Variants in CLDN20 observed in about 807,000 individuals in gnomAD.
CLDN20 encodes claudin-20.
For missense variants in CLDN20, 258 were observed against 267.9 expected, an observed-to-expected ratio of 0.96 and a Z score of 0.26; for synonymous variants, 104 against 103.6, an observed-to-expected ratio of 1.00 and a Z score of -0.03.
intron 1 of CLDN20, among the ~76,000 whole-genome samples, chr6:155,265,168 TGAGGCAGCTTC>T (rs1034966871): frequency 6.0e-4 from 92 of 152,314 alleles, no homozygotes; most frequent in African/African-American, 2.1e-3. Context: ...AGGAGCTGCC[TGAGGCAGCTTC>T]GAGGCTGCCC....
At chr6:155,264,423 G>A (rs1474097511) in intron 1 of CLDN20, 135 bp downstream of exon 1, 3 of 152,162 alleles carry the variant, frequency 2.0e-5, no homozygotes, top group Non-Finnish European at 4.4e-5. Flanking sequence ...CTCTACCTGT[G>A]ATCCATGTCC....
intron 1 of CLDN20, among the ~76,000 whole-genome samples, chr6:155,271,122 T>C (rs1437017478): frequency 6.6e-6 from 1 of 152,254 alleles, no homozygotes; most frequent in African/African-American, 2.4e-5. Context: ...TGTGTTTGTT[T>C]ATTTACTACT....
In CLDN20 at chr6:155,275,766, C is replaced by G; in HGVS notation, c.47C>G (p.Ser16Cys). The G allele has an allele frequency of 6.2e-7, 1 of 1,614,084 alleles. No individual in the cohort carries two copies. The highest frequency in any genetic ancestry group is 8.5e-7 in the Non-Finnish European group (1 of 1,179,992). Residue 16 changes from serine (S) to cysteine (C), a missense_variant, in exon 2 of 2, where the codon TCT becomes TGT. By Grantham distance (112) the Ser-to-Cys change is moderately radical. Transcript: ENST00000367165. The stretch of plus-strand genomic sequence containing the variant: ...CTCCTTGCTTTCATCCTGGCCTTAT[C>G]TGGGGTCTCTGGAGTGCTCACAGCC... ...LQLLAFILAL[S>C]GVSGVLTATL...
chr6:155,266,312 T>TC (rs745633693), intron 1 of CLDN20, among the ~76,000 whole-genome samples: 5 of 152,200 alleles, frequency 3.3e-5, no homozygotes, highest in Non-Finnish European at 7.3e-5. Flanking sequence ...GGCCTGAGCC[T>TC]CTTGGGGCTT....
chr6:155,264,852 C>T (rs1007940341), intron 1 of CLDN20, among the ~76,000 whole-genome samples: 11 of 152,124 alleles, frequency 7.2e-5, no homozygotes, highest in African/African-American at 2.7e-4. Flanking sequence ...ATGTAAATTA[C>T]ACCTATTAGT....
At chr6:155,267,156 A>G (rs1440823509) in intron 1 of CLDN20, among the ~76,000 whole-genome samples, 2 of 151,888 alleles carry the variant, frequency 1.3e-5, no homozygotes, top group African/African-American at 4.8e-5. Flanking sequence ...TGTATTTTTA[A>G]TAGAGACTGG....
intron 1 of CLDN20, among the ~76,000 whole-genome samples, chr6:155,267,646 T>C (rs1784720297): frequency 1.3e-5 from 2 of 152,152 alleles, no homozygotes; most frequent in Non-Finnish European, 2.9e-5. Context: ...CAGCAGGCCA[T>C]TTCAGCAGCT....
rs951355804 is a variant in CLDN20, at chr6:155,275,800, G to A, written c.81G>A (p.Leu27=). Residue 27 remains leucine (L), a synonymous_variant, in exon 2 of 2, where the codon CTG becomes CTA. Coordinates refer to ENST00000367165, the MANE Select transcript of CLDN20 (RefSeq NM_001001346.3). ...GVSGVLTATL[L]PNWKVNVDVD... is the part of the protein sequence containing the mutation. ...CTGGAGTGCTCACAGCCACTCTGCT[G>A]CCCAACTGGAAGGTGAATGTGGATG... 1 of 1,614,000 alleles carries A rather than the reference G, an allele frequency of 6.2e-7. No homozygotes were observed.
intron 1 of CLDN20, among the ~76,000 whole-genome samples, chr6:155,265,787 T>A (rs1394938561): frequency 6.8e-6 from 1 of 146,552 alleles, no homozygotes; most frequent in African/African-American, 2.5e-5. Context: ...AAATATTAAA[T>A]ATATATATAA....
Position 155,270,344 on chromosome 6 carries a change from C to T in CLDN20, c.-104-5272C>T, listed in dbSNP as rs540779559. Among the ~76,000 whole-genome samples, 5 of 152,122 alleles carry T rather than the reference C, an allele frequency of 3.3e-5. No homozygotes were observed. The South Asian group carries it at 6.2e-4, about 19-fold the overall frequency. On this transcript the variant is annotated intron_variant, in intron 1 of 1. Transcript: ENST00000367165. Reference sequence around the variant, plus strand: ...TAAGCTGAGGGGTCATAAGACTTACCTAGGAGAGTCTCTGGACTTAAAAGA... The same window carrying T: ...TAAGCTGAGGGGTCATAAGACTTACTTAGGAGAGTCTCTGGACTTAAAAGA...
Position 155,276,474 on chromosome 6 carries a change from A to G in CLDN20, c.*95A>G. Reference sequence around the variant, plus strand: ...AGAATTATGCTTAACTTTCCCTACAAAGAAAGTAGAATGTAAAATACTTTA... The same window carrying G: ...AGAATTATGCTTAACTTTCCCTACAGAGAAAGTAGAATGTAAAATACTTTA... On this transcript the variant is annotated 3_prime_UTR_variant, in exon 2 of 2. Coordinates refer to ENST00000367165, the MANE Select transcript of CLDN20 (RefSeq NM_001001346.3). 2.7e-6 allele frequency: 3 copies of G among 1,106,104 alleles called. No individual in the cohort carries two copies. The highest frequency in any genetic ancestry group is 3.9e-6 in the Non-Finnish European group (3 of 777,868). The allele number at this position is 1,106,104 out of a possible 1,614,324, so 68.5% of individuals were successfully genotyped here. A position where few individuals can be genotyped will look rare whatever the true frequency, so the allele number is the denominator to read the frequency against.
rs1442827154 is a variant in CLDN20, at chr6:155,276,137, A to G, written c.418A>G (p.Thr140Ala). Residue 140 changes from threonine (T) to alanine (A), a missense_variant, in exon 2 of 2, where the codon ACA (threonine) becomes GCA (alanine). Physicochemically the swap from Thr to Ala is moderately conservative, Grantham distance 58. Transcript: ENST00000367165. ...ISSLISTVWYTKEIIANFLDL... is the reference protein window; with the variant it reads ...ISSLISTVWYAKEIIANFLDL... ...TAGTTTAATCTCGACAGTGTGGTACACAAAGGAGATCATAGCAAACTTTCT... is the reference window on the plus strand; with the variant it reads ...TAGTTTAATCTCGACAGTGTGGTACGCAAAGGAGATCATAGCAAACTTTCT... 6.2e-7 allele frequency: 1 copy of G among 1,614,092 alleles called. No individual in the cohort carries two copies. The highest frequency in any genetic ancestry group is 8.5e-7 in the Non-Finnish European group (1 of 1,180,050).
chr6:155,272,629 G>A (rs1356391595), intron 1 of CLDN20, among the ~76,000 whole-genome samples: 1 of 152,032 alleles, frequency 6.6e-6, no homozygotes, highest in African/African-American at 2.4e-5. Flanking sequence ...GGAGGGTAAA[G>A]CGCAATGCAG....
intron 1 of CLDN20, among the ~76,000 whole-genome samples, chr6:155,271,796 T>G (rs1216133129): frequency 6.6e-6 from 1 of 152,184 alleles, no homozygotes; most frequent in African/African-American, 2.4e-5. Context: ...ACTAAAACAT[T>G]ATATTAAAAG....
In CLDN20 at chr6:155,276,062, A is replaced by T. The variant is rs768410059; in HGVS notation, c.343A>T (p.Ser115Cys). The change falls in exon 2 of 2, where the codon AGC becomes TGC. Residue 115 changes from serine to cysteine, a missense_variant. Coordinates refer to ENST00000367165, the MANE Select transcript of CLDN20 (RefSeq NM_001001346.3). The part of the protein sequence containing the change: ...TRLGGDRETK[S>C]HASFAGGVCF... ...CTTAGGAGGGGACAGAGAAACCAAG[A>T]GCCATGCTTCCTTTGCTGGAGGAGT... 2 of 1,614,176 alleles carry T rather than the reference A, an allele frequency of 1.2e-6. No individual in the cohort carries two copies. Among genetic ancestry groups the T allele is most frequent in the South Asian group, 2.2e-5 (2 of 91,082 alleles).
chr6:155,269,703 G>T (rs1784837444), intron 1 of CLDN20, among the ~76,000 whole-genome samples: 1 of 152,178 alleles, frequency 6.6e-6, no homozygotes, highest in South Asian at 2.1e-4. Flanking sequence ...ACAGTACCTG[G>T]CATATGGAAA....
At chr6:155,267,146 T>C (rs555786322) in intron 1 of CLDN20, among the ~76,000 whole-genome samples, 1 of 152,122 alleles carries the variant, frequency 6.6e-6, no homozygotes, top group Non-Finnish European at 1.5e-5. Context: ...GGCCAATTTT[T>C]GTATTTTTAA....
At chr6:155,269,705 A>G (rs1047846531) in intron 1 of CLDN20, among the ~76,000 whole-genome samples, 2 of 152,252 alleles carry the variant, frequency 1.3e-5, no homozygotes, top group African/African-American at 4.8e-5. Flanking sequence ...AGTACCTGGC[A>G]TATGGAAAGC....
At chr6:155,267,017 T>G (rs1366170889) in intron 1 of CLDN20, among the ~76,000 whole-genome samples, 1 of 147,684 alleles carries the variant, frequency 6.8e-6, no homozygotes, top group African/African-American at 2.5e-5. Flanking sequence ...TCGCCCAGGC[T>G]GGAGTGCAGT....
Sources: gnomAD v4.1 joint callset for allele counts (sites outside exome capture counted in the v4.1 genomes callset) on GRCh38, gnomAD v4.1.1 for gene constraint, MANE v1.5 for transcripts, NCBI Gene and HGNC (gene_info 2026-07-23, HGNC 2026-07-21) for gene names.